The following OPCML variants were observed in gnomAD, a reference collection of about 807,000 sequenced individuals.
The protein encoded by OPCML is opioid binding protein/cell adhesion molecule like.
OPCML carries 13 observed loss-of-function variants against 37.8 expected under a neutral mutation model. That is an observed-to-expected ratio of 0.34 (90% confidence interval 0.22 to 0.55). The LOEUF is 0.55. Ranked by LOEUF, OPCML falls within the 20% of genes least tolerant of loss-of-function variation. The pLI, the probability that OPCML is intolerant of heterozygous loss-of-function variation, is 0.91. For missense variants in OPCML, 341 were observed against 435.6 expected, an observed-to-expected ratio of 0.78 and a Z score of 1.93; for synonymous variants, 176 against 168.8, an observed-to-expected ratio of 1.04 and a Z score of -0.33.
intron 2 of OPCML, chr11:132,817,145 T>C (rs1182487152): frequency 6.6e-6 from 1 of 152,396 alleles, no homozygotes; most frequent in African/African-American, 2.4e-5. Flanking sequence ...GTGGTGGCTA[T>C]GATTGATCTG....
chr11:133,408,875 A>G (rs1183825699), intron 1 of OPCML, among the ~76,000 whole-genome samples: 1 of 152,198 alleles, frequency 6.6e-6, no homozygotes, highest in Non-Finnish European at 1.5e-5. Flanking sequence ...CTGTAATAAT[A>G]GAGTCTGGGG....
intron 1 of OPCML, chr11:133,297,770 C>G (rs1324981226): frequency 6.6e-6 from 1 of 152,188 alleles, no homozygotes; most frequent in Non-Finnish European, 1.5e-5. Flanking sequence ...TGATCTCTCT[C>G]TCTTTTAAAA....
intron 1 of OPCML, among the ~76,000 whole-genome samples, chr11:133,096,234 A>G (rs1010009526): frequency 3.3e-5 from 5 of 151,940 alleles, no homozygotes; most frequent in African/African-American, 7.2e-5. Context: ...TTGTTATTAT[A>G]AGGTACTTGA....
At chr11:133,376,514 A>T (rs540812785) in intron 1 of OPCML, among the ~76,000 whole-genome samples, 1 of 152,350 alleles carries the variant, frequency 6.6e-6, no homozygotes. Flanking sequence ...GGTAAATGAT[A>T]TAAATGTACA....
intron 1 of OPCML, among the ~76,000 whole-genome samples, chr11:133,139,786 A>G (rs186912458): frequency 6.6e-6 from 1 of 152,316 alleles, no homozygotes; most frequent in East Asian, 1.9e-4. Context: ...CGGATCAGTC[A>G]TGATTAGACT....
chr11:132,874,972 C>A (rs543106199), intron 2 of OPCML, among the ~76,000 whole-genome samples: 4 of 152,238 alleles, frequency 2.6e-5, no homozygotes, highest in African/African-American at 9.6e-5. Flanking sequence ...AATACCAGCC[C>A]AAGTAAATAT....
chr11:133,532,400 G>T lies in OPCML; in HGVS notation c.-76C>A. On this transcript the variant is annotated 5_prime_UTR_variant, in exon 1 of 8. Transcript: ENST00000524381. ...TGCTACCGCTGCTGCCTTCCTCTGT[G>T]CTGAATTCTGAGCAGGTTTAAATCC... 6.5e-7 allele frequency: 1 copy of T among 1,541,172 alleles called. No individual in the cohort carries two copies.
intron 3 of OPCML, among the ~76,000 whole-genome samples, chr11:132,613,165 G>A (rs1938762941): frequency 6.6e-6 from 1 of 152,168 alleles, no homozygotes. Context: ...CAGGCCTCCT[G>A]GAGAGCCTCC....
At chr11:133,438,538 G>A (rs1420179348) in intron 1 of OPCML, among the ~76,000 whole-genome samples, 1 of 152,090 alleles carries the variant, frequency 6.6e-6, no homozygotes, top group African/African-American at 2.4e-5. Context: ...GAAACAGAGG[G>A]AATAACAAAG....
chr11:132,536,930 C>T (rs886132379), intron 3 of OPCML, among the ~76,000 whole-genome samples: 1 of 152,088 alleles, frequency 6.6e-6, no homozygotes, highest in Non-Finnish European at 1.5e-5. Flanking sequence ...CTTGTGTGCT[C>T]ATATGTTTGT....
At chr11:132,682,604 G>T (rs1005386584) in intron 2 of OPCML, among the ~76,000 whole-genome samples, 23 of 152,270 alleles carry the variant, frequency 1.5e-4, no homozygotes, top group African/African-American at 5.5e-4. Flanking sequence ...AAAGCAGTTT[G>T]TGCCCACAGG....
chr11:133,136,375 C>G (rs1039522888), intron 1 of OPCML, among the ~76,000 whole-genome samples: 1 of 62,512 alleles, frequency 1.6e-5, no homozygotes, highest in African/African-American at 4.7e-5. Context: ...AGAGCCCCAA[C>G]TTTTTTCCCC....
At chr11:132,968,414 T>C (rs1256159779) in intron 1 of OPCML, among the ~76,000 whole-genome samples, 1 of 152,186 alleles carries the variant, frequency 6.6e-6, no homozygotes, top group South Asian at 2.1e-4. Flanking sequence ...GGGCATCCAA[T>C]GGAAAGGGGC....
chr11:132,994,726 G>T (rs1166005053), intron 1 of OPCML, among the ~76,000 whole-genome samples: 1 of 152,146 alleles, frequency 6.6e-6, no homozygotes, highest in Non-Finnish European at 1.5e-5. Context: ...TGTTCTTGGT[G>T]CTGGCATTAT....
Position 133,516,117 on chromosome 11 carries a change from G to A in OPCML, c.61+16147C>T, listed in dbSNP as rs117865254. On this transcript the variant is annotated intron_variant, in intron 1 of 7. Transcript: ENST00000524381. ...TGGGCAGGAGCCATGAGATCTGGGA[G>A]AGCTTGGGGACTGCGACCCCCGCAG... Among the ~76,000 whole-genome samples the A allele has an allele frequency of 6.3e-4, 96 of 152,196 alleles. 4 individuals carry two copies. The East Asian group carries it at 0.018, about 29-fold the overall frequency.
intron 1 of OPCML, chr11:133,026,238 A>T (rs984432723): frequency 6.3e-6 from 4 of 636,246 alleles, no homozygotes; most frequent in Non-Finnish European, 7.8e-6. Flanking sequence ...TCAGTTACAG[A>T]GTTCCGCCTC....
intron 1 of OPCML, among the ~76,000 whole-genome samples, chr11:133,378,660 T>C (rs1383998027): frequency 6.6e-6 from 1 of 151,250 alleles, no homozygotes; most frequent in Non-Finnish European, 1.5e-5. Flanking sequence ...TTTCTTTCTT[T>C]TCTTTCTTTC....
At chr11:132,773,197 C>T (rs1361526219) in intron 2 of OPCML, 2 of 152,154 alleles carry the variant, frequency 1.3e-5, no homozygotes, top group African/African-American at 2.4e-5. Flanking sequence ...TTCTTCCACT[C>T]AGCAGTGCTG....
chr11:133,106,514 C>T (rs1189011805), intron 1 of OPCML, among the ~76,000 whole-genome samples: 1 of 152,232 alleles, frequency 6.6e-6, no homozygotes, highest in Non-Finnish European at 1.5e-5. Context: ...AAATAACAAA[C>T]TCCCCTAGCA....
Sources: allele counts gnomAD v4.1 joint callset (sites outside exome capture counted in the v4.1 genomes callset), GRCh38; gene constraint gnomAD v4.1.1; transcripts MANE v1.5; gene names NCBI Gene and HGNC (gene_info 2026-07-23, HGNC 2026-07-21).